KLRG1: variants seen among roughly 807,000 people sequenced by gnomAD.
KLRG1 encodes killer cell lectin like receptor G1.
A neutral mutation model predicts 21.8 loss-of-function variants in KLRG1; 16 were observed. The observed-to-expected ratio is 0.73, with a 90% CI of 0.50 to 1.11. The LOEUF (loss-of-function observed/expected upper bound fraction) is 1.11. Ranked by LOEUF, KLRG1 falls within the 50% of genes most tolerant of loss-of-function variation. The probability of loss-of-function intolerance (pLI) is 0.00; values close to 1 mark genes in which losing one functional copy is unlikely to be tolerated. For missense variants in KLRG1, 173 were observed against 218.3 expected (o/e 0.79, Z 1.31); for synonymous variants, 69 against 75.9 (o/e 0.91, Z 0.47).
At chr12:9,064,543 C>T in the KLRG1 span, 6 of 155,322 alleles carry the variant, frequency 3.9e-5, no homozygotes, top group Non-Finnish European at 7.2e-5. This position sits in a 1 kb window ranked among gnomAD's most constrained non-coding sequence, Gnocchi z 4.0. Flanking sequence ...GCCGCTCTCG[C>T]CCGCCGCCGC....
At chr12:8,994,193 A>G (rs1170193096) in intron 2 of KLRG1, among the ~76,000 whole-genome samples, 1 of 152,114 alleles carries the variant, frequency 6.6e-6, no homozygotes, top group Non-Finnish European at 1.5e-5. Flanking sequence ...GCTCCTAAGT[A>G]GCTGGGATTA....
chr12:9,196,320 C>T, the KLRG1 span: 3 of 1,581,036 alleles, frequency 1.9e-6, no homozygotes, highest in Non-Finnish European at 2.6e-6. Flanking sequence ...TGCATTACAA[C>T]ATATCTTACC....
At chr12:9,147,121 G>T in the KLRG1 span, among the ~76,000 whole-genome samples, 2 of 152,156 alleles carry the variant, frequency 1.3e-5, no homozygotes, top group South Asian at 4.1e-4. Context: ...AAAAGTTAGG[G>T]CATTAGACAC....
chr12:9,003,539 A>G (rs1162422365), intron 3 of KLRG1, among the ~76,000 whole-genome samples: 1 of 152,084 alleles, frequency 6.6e-6, no homozygotes, highest in Non-Finnish European at 1.5e-5. Flanking sequence ...TAAGAAATGC[A>G]AAAATTTTAA....
chr12:8,990,520 A>G (rs1946936804), intron 1 of KLRG1, among the ~76,000 whole-genome samples: 1 of 152,126 alleles, frequency 6.6e-6, no homozygotes, highest in Non-Finnish European at 1.5e-5. Flanking sequence ...AAATCATTCT[A>G]GTATACTTGG....
At chr12:9,090,212 G>T in the KLRG1 span, 1 of 1,388,872 alleles carries the variant, frequency 7.2e-7, no homozygotes. Flanking sequence ...GGATATCCTT[G>T]TAGGCATCTT....
the KLRG1 span, chr12:9,152,272 A>ACAAT: frequency 6.2e-7 from 1 of 1,613,408 alleles, no homozygotes; most frequent in East Asian, 2.2e-5. Flanking sequence ...CTTTACATCA[A>ACAAT]CAATCACCAT....
the KLRG1 span, among the ~76,000 whole-genome samples, chr12:9,153,619 A>G: frequency 6.6e-5 from 10 of 152,362 alleles, no homozygotes; most frequent in African/African-American, 2.2e-4. Flanking sequence ...GAATAGGTCT[A>G]AAACTAAGAA....
the KLRG1 span, chr12:9,169,455 T>C: frequency 6.2e-7 from 1 of 1,608,976 alleles, no homozygotes; most frequent in African/African-American, 1.3e-5. Flanking sequence ...AATATCTGCT[T>C]CATTACTTGA....
At chr12:9,079,421 G>A in the KLRG1 span, 4 of 1,341,656 alleles carry the variant, frequency 3.0e-6, no homozygotes, top group Admixed American at 7.4e-5. Context: ...CTTCTCTTGT[G>A]ACATTTCTTA....
At chr12:9,068,908 G>T in the KLRG1 span, 1 of 1,160,046 alleles carries the variant, frequency 8.6e-7, no homozygotes, top group Non-Finnish European at 1.2e-6. Context: ...ATTAGTTTAA[G>T]TATTCACCTG....
At chr12:8,955,805 G>A (rs1475846254) in intron 1 of KLRG1, among the ~76,000 whole-genome samples, 2 of 151,940 alleles carry the variant, frequency 1.3e-5, no homozygotes, top group East Asian at 1.9e-4. Context: ...AGGTAGATAC[G>A]GGCGGGTCCC....
At position 8,989,683 on chromosome 12, in the gene KLRG1, C is replaced by T. The variant is rs756333447; in HGVS notation, c.48C>T (p.Thr16=). The T allele has an allele frequency of 6.2e-7, 1 of 1,610,464 alleles. No individual in the cohort carries two copies. The highest frequency in any genetic ancestry group is 8.5e-7 in the Non-Finnish European group (1 of 1,177,856). ...IYSMLELPTA[T]QAQNDYGPQQ... ...CCATGTTAGAGTTGCCTACGGCAACCCAAGCCCAGAATGACTATGGACCAC... is the reference window on the plus strand; with the variant it reads ...CCATGTTAGAGTTGCCTACGGCAACTCAAGCCCAGAATGACTATGGACCAC... Residue 16 remains threonine (T), a synonymous_variant, in exon 1 of 5, where the codon ACC becomes ACT. Transcript: ENST00000356986.
chr12:9,071,505 A>T, the KLRG1 span, among the ~76,000 whole-genome samples: 6 of 152,236 alleles, frequency 3.9e-5, no homozygotes, highest in Middle Eastern at 3.4e-3. Flanking sequence ...AACTCGTGTC[A>T]TGGGGGTTTG....
At chr12:9,192,592 G>A in the KLRG1 span, 1 of 1,614,186 alleles carries the variant, frequency 6.2e-7, no homozygotes, top group Non-Finnish European at 8.5e-7. Context: ...GTCTCCGTGT[G>A]GCCACAGGGC....
chr12:9,104,394 G>A, the KLRG1 span: 1 of 1,584,790 alleles, frequency 6.3e-7, no homozygotes. Flanking sequence ...CCATCTACTA[G>A]GCGCACCTGA....
At chr12:9,082,404 C>A in the KLRG1 span, among the ~76,000 whole-genome samples, 1 of 152,190 alleles carries the variant, frequency 6.6e-6, no homozygotes, top group African/African-American at 2.4e-5. Flanking sequence ...AAACAGTGAT[C>A]TTGCCAGAGA....
the KLRG1 span, among the ~76,000 whole-genome samples, chr12:9,038,395 C>A: frequency 2.0e-5 from 3 of 152,178 alleles, no homozygotes; most frequent in South Asian, 4.1e-4. Flanking sequence ...ATCAGGGAAG[C>A]CTTAATTCCA....
the KLRG1 span, chr12:9,055,477 G>T: frequency 6.6e-6 from 1 of 152,172 alleles, no homozygotes; most frequent in African/African-American, 2.4e-5. Context: ...TATGCTAGGT[G>T]CTCTTACCTC....
Sources: gnomAD v4.1 joint callset for allele counts (sites outside exome capture counted in the v4.1 genomes callset) on GRCh38, gnomAD v4.1.1 for gene constraint, Gnocchi (gnomAD v3.1) non-coding constraint, MANE v1.5 for transcripts, NCBI Gene and HGNC (gene_info 2026-07-23, HGNC 2026-07-21) for gene names.